Variants in FNDC1 observed in about 807,000 individuals in gnomAD.
FNDC1 encodes the protein fibronectin type III domain-containing protein 1.
FNDC1 carries 96 observed loss-of-function variants against 168.0 expected under a neutral mutation model. That is an observed-to-expected ratio of 0.57 (90% confidence interval 0.48 to 0.68). The LOEUF is 0.68. Ranked by LOEUF, FNDC1 falls within the 30% of genes least tolerant of loss-of-function variation. FNDC1 has a pLI of 0.00. For synonymous variants in FNDC1, 1,099 were observed against 1,025.9 expected, an observed-to-expected ratio of 1.07 and a Z score of -1.36; for missense variants, 2,587 against 2,482.1, an observed-to-expected ratio of 1.04 and a Z score of -0.90.
intron 20 of FNDC1, 43 bp downstream of exon 20, chr6:159,265,047 G>A (rs1410199937): frequency 1.3e-6 from 2 of 1,513,260 alleles, no homozygotes; most frequent in Non-Finnish European, 1.8e-6. Context: ...TGGTAATCAA[G>A]TTGAATATTG....
rs183641697 is a variant in FNDC1 at position 159,196,359 on chromosome 6, T to A, written c.110-1072T>A. On this transcript the variant is annotated intron_variant, in intron 1 of 22. Coordinates refer to ENST00000297267, the MANE Select transcript of FNDC1 (RefSeq NM_032532.3). The stretch of plus-strand genomic sequence containing the variant: ...TCTAAGGAGTTCTTTCCCTTGCTAA[T>A]CATTTTACTCCAGAGGCAATGGGCA... Among the ~76,000 whole-genome samples, 121 of 152,360 alleles carry A rather than the reference T, an allele frequency of 7.9e-4. 1 individual carries two copies. Among genetic ancestry groups the A allele is most frequent in the Admixed American group, 7.6e-3 (117 of 15,310 alleles).
intron 1 of FNDC1, among the ~76,000 whole-genome samples, chr6:159,191,748 C>T (rs191621080): frequency 3.4e-4 from 52 of 152,298 alleles, no homozygotes; most frequent in African/African-American, 1.2e-3. Context: ...TGAGCCAACA[C>T]TTTTGGTGCT....
chr6:159,210,069 C>T (rs9456376), intron 4 of FNDC1, among the ~76,000 whole-genome samples: 9 of 152,198 alleles, frequency 5.9e-5, no homozygotes, highest in Non-Finnish European at 1.3e-4. Context: ...GAAGAGCAGT[C>T]GGGTCCTTGG....
chr6:159,242,722 A>G (rs1783452467), intron 14 of FNDC1, among the ~76,000 whole-genome samples: 1 of 152,150 alleles, frequency 6.6e-6, no homozygotes, highest in Non-Finnish European at 1.5e-5. Flanking sequence ...ACCCATGGAA[A>G]CCACTAACAT....
chr6:159,239,546 G>A lies in FNDC1; in HGVS notation c.4210G>A (p.Asp1404Asn), dbSNP rs374011963. 1.3e-5 allele frequency: 21 copies of A among 1,605,706 alleles called. No homozygotes were observed. The highest frequency in any genetic ancestry group is 9.0e-5 in the South Asian group (8 of 89,034). ...GGAAGGGACCCCCGTGGTGAGTCCT[G>A]ACGGCCTCCCACTCTTTGGGCAGGG... The part of the protein sequence containing the change: ...DLEGTPVVSP[D>N]GLPLFGQGRH... Residue 1404 changes from aspartate to asparagine, a missense_variant, in exon 14 of 23, where the codon GAC (aspartate) becomes AAC (asparagine). Physicochemically the swap from Asp to Asn is conservative, Grantham distance 23. Transcript: ENST00000297267.
chr6:159,223,112 C>T (rs4576279), intron 6 of FNDC1, among the ~76,000 whole-genome samples: 1 of 150,984 alleles, frequency 6.6e-6, no homozygotes, highest in African/African-American at 2.4e-5. Context: ...TCTCCTGCCT[C>T]AGCCTCCCGA....
chr6:159,253,857 C>T (rs1777320398), intron 17 of FNDC1, among the ~76,000 whole-genome samples: 1 of 152,254 alleles, frequency 6.6e-6, no homozygotes, highest in Admixed American at 6.5e-5. Context: ...AGAGTCTAAG[C>T]TTTGCCAACT....
chr6:159,169,527 C>T lies in FNDC1; in HGVS notation c.-70C>T. 2.5e-6 allele frequency: 1 copy of T among 402,524 alleles called. No individual in the cohort carries two copies. The highest frequency in any genetic ancestry group is 3.5e-6 in the Non-Finnish European group (1 of 282,510). The allele number at this position is 402,524 out of a possible 1,614,324, so 24.9% of individuals were successfully genotyped here. ...GGGACCCGACGGCGGCGCCTCGGCA[C>T]TCCCCAGACTCCGGCCAGCGCCCCC... On this transcript the variant is annotated 5_prime_UTR_variant, in exon 1 of 23. Transcript: ENST00000297267. The surrounding 1 kb of genome is among the most constrained non-coding windows in gnomAD (Gnocchi z 6.8).
intron 22 of FNDC1, among the ~76,000 whole-genome samples, chr6:159,269,303 T>C (rs1333118850): frequency 1.8e-5 from 2 of 111,360 alleles, no homozygotes; most frequent in African/African-American, 5.7e-5. Flanking sequence ...CATCCATCCA[T>C]CTATCCTATC....
intron 5 of FNDC1, among the ~76,000 whole-genome samples, chr6:159,220,664 G>T (rs1207642861): frequency 1.3e-5 from 2 of 152,206 alleles, no homozygotes; most frequent in African/African-American, 4.8e-5. Context: ...CATAGTAATT[G>T]AGAGGACAAG....
rs1259006691 is a variant in FNDC1, at chr6:159,238,536, T to C, written c.4069-18T>C. On this transcript the variant is annotated intron_variant, in intron 12 of 22. Coordinates refer to ENST00000297267, the MANE Select transcript of FNDC1 (RefSeq NM_032532.3). ...TCAAAATGTCCAATATATTCTTTAATCTATGTCATGGATTTAGGTTGTGGA... is the reference window on the plus strand; with the variant it reads ...TCAAAATGTCCAATATATTCTTTAACCTATGTCATGGATTTAGGTTGTGGA... 1.3e-6 allele frequency: 2 copies of C among 1,551,314 alleles called. No homozygotes were observed. The highest frequency in any genetic ancestry group is 1.8e-6 in the Non-Finnish European group (2 of 1,130,330).
intron 1 of FNDC1, among the ~76,000 whole-genome samples, chr6:159,185,831 T>A (rs573950893): frequency 1.0e-3 from 153 of 152,280 alleles, no homozygotes; most frequent in African/African-American, 3.6e-3. Context: ...TGACTGAATG[T>A]TTAGTATTCT....
At chr6:159,221,547 G>A in intron 5 of FNDC1, 51 bp from the exon 6 acceptor site, 1 of 1,439,744 alleles carries the variant, frequency 6.9e-7, no homozygotes, top group Non-Finnish European at 9.8e-7. Flanking sequence ...GGGGATGTGT[G>A]TTCCTGAGAA....
In FNDC1 at chr6:159,234,325, C is replaced by T. The variant is rs749648132; in HGVS notation, c.3813C>T (p.Pro1271=). The T allele has an allele frequency of 1.2e-6, 2 of 1,610,186 alleles. No individual in the cohort carries two copies. Among genetic ancestry groups the T allele is most frequent in the Admixed American group, 1.7e-5 (1 of 59,644 alleles). Residue 1271 remains proline (P), a synonymous_variant, in exon 11 of 23, where the codon CCC becomes CCT. Coordinates refer to ENST00000297267, the MANE Select transcript of FNDC1 (RefSeq NM_032532.3). ...LPPRSAATVS[P]VAGTHPWPQY... The stretch of plus-strand genomic sequence containing the variant: ...CTCGCAGCGCTGCCACCGTGAGCCC[C>T]GTCGCGGGCACCCACCCCTGGCCGC...
At chr6:159,185,562 G>T (rs756157781) in intron 1 of FNDC1, among the ~76,000 whole-genome samples, 1 of 152,196 alleles carries the variant, frequency 6.6e-6, no homozygotes, top group South Asian at 2.1e-4. Flanking sequence ...ACATAGCCTT[G>T]TTCCATTTTC....
intron 13 of FNDC1, among the ~76,000 whole-genome samples, chr6:159,238,919 G>A (rs1283819822): frequency 1.3e-5 from 2 of 152,168 alleles, no homozygotes; most frequent in Non-Finnish European, 2.9e-5. Flanking sequence ...TTCAGAGGAG[G>A]GGTCCGCAAA....
rs1229951374 is a variant in FNDC1, at chr6:159,269,264, CT to C, written c.5569+1339del. The stretch of plus-strand genomic sequence containing the variant: ...ATCTATCTATCCATCTATCATCTAT[CT>C]ATCTATCTATCTATCTATCTATCTA... On this transcript the variant is annotated intron_variant, in intron 22 of 22. Coordinates refer to ENST00000297267, the MANE Select transcript of FNDC1 (RefSeq NM_032532.3). Among the ~76,000 whole-genome samples, 283 of 80,710 alleles carry C rather than the reference CT, an allele frequency of 3.5e-3. 2 individuals are homozygous for C. Among genetic ancestry groups the C allele is most frequent in the Middle Eastern group, 8.9e-3 (1 of 112 alleles). The allele number at this position is 80,710 out of a possible 152,430, so 52.9% of individuals were successfully genotyped here. A position where few individuals can be genotyped will look rare whatever the true frequency, so the allele number is the denominator to read the frequency against.
intron 1 of FNDC1, among the ~76,000 whole-genome samples, chr6:159,197,180 T>C (rs908363307): frequency 3.9e-5 from 6 of 152,236 alleles, no homozygotes; most frequent in African/African-American, 1.4e-4. Flanking sequence ...AAGTTTATAT[T>C]GATTTATTTC....
chr6:159,236,316 G>A lies in FNDC1; in HGVS notation c.4068+1G>A, dbSNP rs1285712754. The A allele has an allele frequency of 6.2e-7, 1 of 1,609,218 alleles. No individual in the cohort carries two copies. The highest frequency in any genetic ancestry group is 1.1e-5 in the South Asian group (1 of 90,646). On this transcript the variant is annotated splice_donor_variant, in intron 12 of 22. Coordinates refer to ENST00000297267, the MANE Select transcript of FNDC1 (RefSeq NM_032532.3). LOFTEE classifies it high-confidence loss of function. The stretch of plus-strand genomic sequence containing the variant: ...CAATGGCCCTCAAGGAACAAAGTGG[G>A]TAGGGTAAACTTCTTTACACATCCC...
Sources: allele counts gnomAD v4.1 joint callset (sites outside exome capture counted in the v4.1 genomes callset), GRCh38; gene constraint gnomAD v4.1.1; non-coding constraint Gnocchi (gnomAD v3.1); transcripts MANE v1.5; gene names NCBI Gene and HGNC (gene_info 2026-07-23, HGNC 2026-07-21).